The following AP1M2 variants were observed in gnomAD, a reference collection of about 807,000 sequenced individuals.
The protein encoded by AP1M2 is adaptor related protein complex 1 subunit mu 2.
In AP1M2, 41 loss-of-function variants were observed where a neutral mutation model predicts 54.6. The observed-to-expected ratio is 0.75, with a 90% CI of 0.59 to 0.97. AP1M2 has a LOEUF of 0.97. AP1M2 is among the 50% of genes least tolerant of loss of function. The pLI is 0.00. For synonymous variants in AP1M2, 219 were observed against 215.9 expected (o/e 1.01, Z -0.13); for missense variants, 507 against 561.2 (o/e 0.90, Z 0.98).
In AP1M2 at chr19:10,573,092, C is replaced by T. The variant is rs1369996710; in HGVS notation, c.1250-4G>A. The T allele has an allele frequency of 6.4e-7, 1 of 1,562,970 alleles. No individual in the cohort carries two copies. Among genetic ancestry groups the T allele is most frequent in the East Asian group, 2.4e-5 (1 of 41,932 alleles). On this transcript the variant is annotated splice_region_variant and splice_polypyrimidine_tract_variant and intron_variant, in intron 11 of 11. Coordinates refer to ENST00000250244, the MANE Select transcript of AP1M2 (RefSeq NM_005498.5). ...TAGCTGGTACGAAGTTGGTAATCTG[C>T]AGAGAAAGAATGAGGAGGGGCCATC...
At chr19:10,582,194 C>T (rs1410003741) in intron 3 of AP1M2, among the ~76,000 whole-genome samples, 1 of 152,084 alleles carries the variant, frequency 6.6e-6, no homozygotes, top group Non-Finnish European at 1.5e-5. Context: ...CAGGCACGCA[C>T]TACCAGGGCC....
intron 1 of AP1M2, among the ~76,000 whole-genome samples, chr19:10,585,298 A>AAG (rs1917609884): frequency 1.1e-5 from 1 of 87,270 alleles, no homozygotes; most frequent in Non-Finnish European, 2.4e-5. Flanking sequence ...AAAGAAAGAA[A>AAG]GAAAGAAAGA....
intron 8 of AP1M2, 67 bp from the exon 9 acceptor site, chr19:10,577,423 CTT>C (rs386388547): frequency 6.1e-3 from 2,243 of 368,872 alleles, no homozygotes; most frequent in South Asian, 7.6e-3. Context: ...TTACCAAGCC[CTT>C]TTTTTTTTTT....
At chr19:10,580,619 T>C (rs775732347) in intron 6 of AP1M2, among the ~76,000 whole-genome samples, 5 of 152,122 alleles carry the variant, frequency 3.3e-5, no homozygotes, top group Middle Eastern at 3.4e-3. Context: ...GCTGAGATCA[T>C]GCCACTGCAC....
rs751408678 is a variant in AP1M2 at position 10,581,554 on chromosome 19, C to A, written c.479G>T (p.Arg160Leu). Residue 160 changes from arginine to leucine, a missense_variant, in exon 5 of 12, where the codon CGC becomes CTC. Physicochemically the swap from Arg to Leu is moderately radical, Grantham distance 102. Transcript: ENST00000250244. ...PPTVTNAVSW[R>L]SEGIKYKKNE... Reference sequence around the variant, plus strand: ...CTTCTTATACTTGATACCCTCGGAGCGCCAGGACACAGCGTTGGTGACAGT... The same window carrying A: ...CTTCTTATACTTGATACCCTCGGAGAGCCAGGACACAGCGTTGGTGACAGT... 6.2e-6 allele frequency: 10 copies of A among 1,613,806 alleles called. No individual in the cohort carries two copies. The highest frequency in any genetic ancestry group is 8.5e-6 in the Non-Finnish European group (10 of 1,179,830).
rs751646389 is a variant in AP1M2, at chr19:10,581,287, C to T, written c.652G>A (p.Val218Met). ...TTACGGCCAGTGAGCTCGAAGAGCA[C>T]GCGGTCATTGAGGCCCAGCCGCAGC... ...PELRLGLNDRVLFELTGRSKN... is the reference protein window; with the variant it reads ...PELRLGLNDRMLFELTGRSKN... Residue 218 changes from valine to methionine, a missense_variant, in exon 6 of 12, where the codon GTG becomes ATG. Coordinates refer to ENST00000250244, the MANE Select transcript of AP1M2 (RefSeq NM_005498.5). 1.9e-5 allele frequency: 31 copies of T among 1,613,474 alleles called. No homozygotes were observed. The highest frequency in any genetic ancestry group is 1.2e-4 in the African/African-American group (9 of 74,916).
In AP1M2 at chr19:10,581,586, C is replaced by T; in HGVS notation, c.447G>A (p.Val149=). Residue 149 remains valine, a synonymous_variant, in exon 5 of 12, where the codon GTG becomes GTA. Coordinates refer to ENST00000250244, the MANE Select transcript of AP1M2 (RefSeq NM_005498.5). ...ACACAGCGTTGGTGACAGTGGGTGG[C>T]ACCCGTGACTTGCCCGTCTCCAGCT... ...SNKLETGKSR[V]PPTVTNAVSW... The T allele has an allele frequency of 1.9e-6, 3 of 1,613,792 alleles. No homozygotes were observed. Among genetic ancestry groups the T allele is most frequent in the Non-Finnish European group, 2.5e-6 (3 of 1,179,824 alleles).
chr19:10,575,387 T>C (rs564600592), intron 9 of AP1M2, among the ~76,000 whole-genome samples: 1 of 152,180 alleles, frequency 6.6e-6, no homozygotes, highest in African/African-American at 2.4e-5. Context: ...GTTTTTTTCT[T>C]TTTTTAACTA....
intron 1 of AP1M2, among the ~76,000 whole-genome samples, chr19:10,584,426 A>T (rs1005462774): frequency 1.3e-5 from 2 of 152,112 alleles, no homozygotes; most frequent in African/African-American, 4.8e-5. Flanking sequence ...TAAAAATACA[A>T]AAAATTAGCC....
rs1479327984 is a variant in AP1M2 at position 10,583,599 on chromosome 19, T to C, written c.267+7A>G. Reference sequence around the variant, plus strand: ...GACCAGTTAGCCAATGGGAGGCTAGTACCTACCTCTATTGTCTTATACAGG... The same window carrying C: ...GACCAGTTAGCCAATGGGAGGCTAGCACCTACCTCTATTGTCTTATACAGG... On this transcript the variant is annotated splice_region_variant and intron_variant, in intron 3 of 11. Transcript: ENST00000250244. The C allele has an allele frequency of 6.2e-7, 1 of 1,602,608 alleles. No homozygotes were observed. The highest frequency in any genetic ancestry group is 1.7e-5 in the Admixed American group (1 of 59,508).
intron 2 of AP1M2, 50 bp downstream of exon 2, chr19:10,583,864 C>A: frequency 1.3e-6 from 2 of 1,552,062 alleles, no homozygotes; most frequent in South Asian, 2.4e-5. Context: ...CTGCCACCAT[C>A]GCCGACAGCC....
chr19:10,577,670 C>CAA (rs1917288544), intron 8 of AP1M2, among the ~76,000 whole-genome samples: 1 of 149,922 alleles, frequency 6.7e-6, no homozygotes, highest in African/African-American at 2.5e-5. Context: ...CTCCTGACCT[C>CAA]GTGATCCGCC....
Position 10,574,635 on chromosome 19 carries a change from G to A in AP1M2, c.1174-143C>T, listed in dbSNP as rs1026911345. 10 of 788,286 alleles carry A rather than the reference G, an allele frequency of 1.3e-5. No individual in the cohort carries two copies. In the African/African-American group the frequency reaches 1.6e-4, roughly 12 times the overall value. 48.8% of individuals were successfully genotyped at this position (788,286 alleles called of 1,614,324 possible). A position where few individuals can be genotyped will look rare whatever the true frequency, so the allele number is the denominator to read the frequency against. The stretch of plus-strand genomic sequence containing the variant: ...ATATCACATGGTCTTAGGGGGATGA[G>A]GTGGCACAGGCAACGGAATGGTGAA... On this transcript the variant is annotated intron_variant, in intron 10 of 11. Coordinates refer to ENST00000250244, the MANE Select transcript of AP1M2 (RefSeq NM_005498.5).
Position 10,587,207 on chromosome 19 carries a change from G to T in AP1M2, c.25C>A (p.Leu9Met). The T allele has an allele frequency of 1.9e-6, 3 of 1,561,612 alleles. No individual in the cohort carries two copies. The South Asian group carries it at 3.5e-5, about 18-fold the overall frequency. Reference protein sequence around the residue: MSASAVFILDVKGKPLISR... With the variant: MSASAVFIMDVKGKPLISR... ...AGCCTCACCTTGCCCTTAACGTCCA[G>T]AATGAAGACAGCCGAGGCGGACATG... Residue 9 changes from leucine to methionine, a missense_variant, in exon 1 of 12, where the codon CTG (leucine) becomes ATG (methionine). By Grantham distance (15) the Leu-to-Met change is conservative. Transcript: ENST00000250244.
intron 2 of AP1M2, 43 bp from the exon 3 acceptor site, chr19:10,583,716 G>A (rs1376179943): frequency 6.3e-7 from 1 of 1,581,890 alleles, no homozygotes; most frequent in Non-Finnish European, 8.7e-7. Context: ...TTATGGAGAA[G>A]TAAATGGAAT....
chr19:10,574,194 A>G (rs1917148840), intron 11 of AP1M2, among the ~76,000 whole-genome samples: 1 of 151,928 alleles, frequency 6.6e-6, no homozygotes, highest in Non-Finnish European at 1.5e-5. Context: ...TAATTTTTGT[A>G]TTTTTAGTAG....
chr19:10,576,706 CTTT>C (rs751510668), intron 9 of AP1M2, among the ~76,000 whole-genome samples: 3 of 136,364 alleles, frequency 2.2e-5, no homozygotes. Context: ...GCCTTTTAAT[CTTT>C]TTTTTTTTTT....
At chr19:10,575,216 G>T (rs1917194187) in intron 9 of AP1M2, among the ~76,000 whole-genome samples, 187 bp from the exon 10 acceptor site, 1 of 152,106 alleles carries the variant, frequency 6.6e-6, no homozygotes, top group Non-Finnish European at 1.5e-5. Flanking sequence ...GCTGGGTGCG[G>T]TGGAACATGC....
At chr19:10,578,588 G>A (rs1917325176) in intron 8 of AP1M2, among the ~76,000 whole-genome samples, 1 of 151,530 alleles carries the variant, frequency 6.6e-6, no homozygotes, top group South Asian at 2.1e-4. Flanking sequence ...TTTGGAGATG[G>A]GGTCTAGCTC....
Sources: allele counts gnomAD v4.1 joint callset (sites outside exome capture counted in the v4.1 genomes callset), GRCh38; gene constraint gnomAD v4.1.1; transcripts MANE v1.5; gene names NCBI Gene and HGNC (gene_info 2026-07-23, HGNC 2026-07-21).